VWF: variants seen among roughly 807,000 people sequenced by gnomAD.
VWF encodes the protein Factor VIII related antigen.
A neutral mutation model predicts 308.6 loss-of-function variants in VWF; 176 were observed. That is an observed-to-expected ratio of 0.57 (90% CI 0.50 to 0.65). VWF has a LOEUF of 0.65. Ranked by LOEUF, VWF falls within the 30% of genes least tolerant of loss-of-function variation. VWF has a pLI of 0.00. For missense variants in VWF, 3,146 were observed against 3,648.2 expected (o/e 0.86, Z 3.55); for synonymous variants, 1,385 against 1,443.4 (o/e 0.96, Z 0.92).
At chr12:6,034,560 A>G in intron 20 of VWF, 128 bp downstream of exon 20, 2 of 1,390,378 alleles carry the variant, frequency 1.4e-6, no homozygotes, top group East Asian at 2.4e-5. Context: ...AGGACTGGGA[A>G]GTACTCCAGT....
chr12:6,115,516 C>T (rs1945354087), intron 3 of VWF, among the ~76,000 whole-genome samples: 1 of 152,164 alleles, frequency 6.6e-6, no homozygotes, highest in South Asian at 2.1e-4. Context: ...TTACCCTTGC[C>T]GTGTGCCATG....
chr12:5,980,228 GAGGGAGGGAGGGAAGGAAGGAAGTGACGT>G lies in VWF; in HGVS notation c.7287+1529_7287+1557del, dbSNP rs1440510320. On this transcript the variant is annotated intron_variant, in intron 42 of 51. Transcript: ENST00000261405. ...GTAGGTAGGTAGGGAGGGAGGGAGGGAGGGAGGGAGGGAAGGAAGGAAGTGACGTAGGGAGGGAGGGAGGAGGACAGCTG... is the reference window on the plus strand; with the variant it reads ...GTAGGTAGGTAGGGAGGGAGGGAGGGAGGGAGGGAGGGAGGAGGACAGCTG... 3.6e-4 allele frequency among the ~76,000 whole-genome samples: 29 copies of G among 79,666 alleles called. 1 individual carries two copies. Among genetic ancestry groups the G allele is most frequent in the Admixed American group, 1.0e-3 (8 of 7,662 alleles). 52.3% of individuals were successfully genotyped at this position (79,666 alleles called of 152,430 possible).
rs41276742 is a variant in VWF, at chr12:6,123,216, G to A, written c.1-20C>T. On this transcript the variant is annotated intron_variant, in intron 1 of 51. Coordinates refer to ENST00000261405, the MANE Select transcript of VWF (RefSeq NM_000552.5). ...AATCATCTGCAAAGAAGCAAGAGAC[G>A]TGAGCTGGTCATTGCTGCCCAGGTA... The A allele has an allele frequency of 0.014, 23,334 of 1,614,142 alleles. 263 individuals are homozygous for A. Among genetic ancestry groups the A allele is most frequent in the South Asian group, 0.036 (3,251 of 91,084 alleles).
intron 34 of VWF, among the ~76,000 whole-genome samples, chr12:6,008,558 T>A (rs1200383906): frequency 6.6e-6 from 1 of 152,142 alleles, no homozygotes; most frequent in Non-Finnish European, 1.5e-5. Context: ...ATACCACAGC[T>A]AACATCACAC....
intron 10 of VWF, among the ~76,000 whole-genome samples, chr12:6,065,895 C>T (rs1326922763): frequency 6.6e-6 from 1 of 152,230 alleles, no homozygotes; most frequent in African/African-American, 2.4e-5. Context: ...AGGGGCAACT[C>T]TAAGGCCATT....
Position 6,001,345 on chromosome 12 carries a change from T to C in VWF, c.5843-5123A>G, listed in dbSNP as rs1565825431. Among the ~76,000 whole-genome samples the C allele has an allele frequency of 2.6e-5, 4 of 151,340 alleles. No homozygotes were observed. The South Asian group carries it at 8.3e-4, about 32-fold the overall frequency. ...TAACTTGTCTACTAAAACAAAAAGGTTTTCAATTCGGCTCAAAGGCAAGAC... is the reference window on the plus strand; with the variant it reads ...TAACTTGTCTACTAAAACAAAAAGGCTTTCAATTCGGCTCAAAGGCAAGAC... On this transcript the variant is annotated intron_variant, in intron 34 of 51. Coordinates refer to ENST00000261405, the MANE Select transcript of VWF (RefSeq NM_000552.5).
chr12:6,012,535 A>G (rs1229197671), intron 32 of VWF, among the ~76,000 whole-genome samples: 2 of 152,366 alleles, frequency 1.3e-5, no homozygotes, highest in Middle Eastern at 3.4e-3. Flanking sequence ...GTTATTAGCT[A>G]TAAGTCAAAA....
intron 3 of VWF, among the ~76,000 whole-genome samples, chr12:6,119,258 G>C (rs917568): frequency 6.6e-6 from 1 of 151,682 alleles, no homozygotes; most frequent in Non-Finnish European, 1.5e-5. Context: ...CCCACCCTAA[G>C]AGCAGCAGCA....
chr12:5,952,235 TA>T, intron 49 of VWF, 155 bp downstream of exon 49: 1 of 1,098,750 alleles, frequency 9.1e-7, no homozygotes, highest in East Asian at 2.5e-5. Flanking sequence ...TATCTCTCCG[TA>T]GGCTTTGATT....
At position 6,020,415 on chromosome 12, in the gene VWF, C is replaced by A. The variant is rs1315271011; in HGVS notation, c.3675-672G>T. Among the ~76,000 whole-genome samples, 5 of 152,222 alleles carry A rather than the reference C, an allele frequency of 3.3e-5. No homozygotes were observed. Among genetic ancestry groups the A allele is most frequent in the Non-Finnish European group, 7.3e-5 (5 of 68,038 alleles). On this transcript the variant is annotated intron_variant, in intron 27 of 51. Transcript: ENST00000261405. This position sits in a 1 kb window ranked among gnomAD's most constrained non-coding sequence, Gnocchi z 4.3. ...CCTAGGAAAAGACATTCACTCATTC[C>A]TCCAGCAGACATAGGGTGAGCACCT...
At chr12:5,994,240 G>A in intron 36 of VWF, 37 bp from the exon 37 acceptor site, 1 of 1,611,572 alleles carries the variant, frequency 6.2e-7, no homozygotes, top group Non-Finnish European at 8.5e-7. Flanking sequence ...GATAAACTGA[G>A]TGGCCCTGGG....
intron 11 of VWF, 52 bp downstream of exon 11, chr12:6,065,085 A>C: frequency 6.2e-7 from 1 of 1,613,096 alleles, no homozygotes; most frequent in Non-Finnish European, 8.5e-7. Context: ...CCTAGCAGCT[A>C]TGCAGCACCT....
At position 6,075,651 on chromosome 12, in the gene VWF, C is replaced by T. The variant is rs1178551460; in HGVS notation, c.658-100G>A. On this transcript the variant is annotated intron_variant, in intron 6 of 51. Coordinates refer to ENST00000261405, the MANE Select transcript of VWF (RefSeq NM_000552.5). The surrounding 1 kb of genome is among the most constrained non-coding windows in gnomAD (Gnocchi z 4.7). Reference sequence around the variant, plus strand: ...GCTAGGGAAACCAAGGCAGCTCCCTCAGCACCTGGGACAGGCTGGCACCAA... The same window carrying T: ...GCTAGGGAAACCAAGGCAGCTCCCTTAGCACCTGGGACAGGCTGGCACCAA... 142 of 1,324,452 alleles carry T rather than the reference C, an allele frequency of 1.1e-4. 1 individual carries two copies. The highest frequency in any genetic ancestry group is 3.1e-5 in the Non-Finnish European group (29 of 942,834). The allele number at this position is 1,324,452 out of a possible 1,614,324, so 82.0% of individuals were successfully genotyped here. A position where few individuals can be genotyped will look rare whatever the true frequency, so the allele number is the denominator to read the frequency against.
chr12:6,016,346 A>G, intron 30 of VWF, 114 bp from the exon 31 acceptor site: 1 of 1,541,006 alleles, frequency 6.5e-7, no homozygotes, highest in East Asian at 2.3e-5. Context: ...ACTCCAAGGA[A>G]CACCCAGTTG....
At position 5,953,518 on chromosome 12, in the gene VWF, C is replaced by T. The variant is rs769335635; in HGVS notation, c.7964G>A (p.Gly2655Glu). The T allele has an allele frequency of 3.1e-6, 5 of 1,614,174 alleles. No homozygotes were observed. In the South Asian group the frequency reaches 5.5e-5, roughly 18 times the overall value. The change falls in exon 48 of 52, where the codon GGA (glycine) becomes GAA (glutamate). Residue 2655 changes from glycine to glutamate, a missense_variant. Coordinates refer to ENST00000261405, the MANE Select transcript of VWF (RefSeq NM_000552.5). ...TACCTTCAGTGTCATGATCTGTCCT[C>T]CTCTTAGCTGAATGGTGCAAGCCGT... ...LPTACTIQLR[G>E]GQIMTLKRDE... is the part of the protein sequence containing the mutation.
At chr12:6,114,590 G>A (rs1235946684) in intron 3 of VWF, among the ~76,000 whole-genome samples, 14 of 152,302 alleles carry the variant, frequency 9.2e-5, no homozygotes, top group Admixed American at 9.2e-4. Context: ...TGGCCAGGCG[G>A]CAGACCCTGG....
At chr12:6,080,005 T>C (rs1450490602) in intron 6 of VWF, among the ~76,000 whole-genome samples, 3 of 152,138 alleles carry the variant, frequency 2.0e-5, no homozygotes, top group Non-Finnish European at 2.9e-5. Context: ...CCATCCCATC[T>C]GCCCTCCTGC....
At chr12:6,005,144 T>C (rs903606107) in intron 34 of VWF, among the ~76,000 whole-genome samples, 3 of 152,230 alleles carry the variant, frequency 2.0e-5, no homozygotes, top group African/African-American at 7.2e-5. Context: ...GTGGAGGTAC[T>C]AGTGCTACCA....
Position 5,985,097 on chromosome 12 carries a change from T to G in VWF, c.6924A>C (p.Glu2308Asp), listed in dbSNP as rs781181388. ...CTGCATTCTGGCGGAGGCGGGCTACTTCACACAGGCCACACGTGGGAGCTA... is the reference window on the plus strand; with the variant it reads ...CTGCATTCTGGCGGAGGCGGGCTACGTCACACAGGCCACACGTGGGAGCTA... ...TAKAPTCGLC[E>D]VARLRQNADQ... The change falls in exon 40 of 52, where the codon GAA (glutamate) becomes GAC (aspartate). Residue 2308 changes from glutamate (E) to aspartate (D), a missense_variant. Physicochemically the swap from Glu to Asp is conservative, Grantham distance 45 (BLOSUM62 2). Transcript: ENST00000261405. The G allele has an allele frequency of 1.9e-6, 3 of 1,614,164 alleles. No individual in the cohort carries two copies. Among genetic ancestry groups the G allele is most frequent in the Non-Finnish European group, 2.5e-6 (3 of 1,180,024 alleles).
Sources: allele counts gnomAD v4.1 joint callset (sites outside exome capture counted in the v4.1 genomes callset), GRCh38; gene constraint gnomAD v4.1.1; non-coding constraint Gnocchi (gnomAD v3.1); transcripts MANE v1.5; gene names NCBI Gene and HGNC (gene_info 2026-07-23, HGNC 2026-07-21).